The following ADAMTSL2 variants were observed in gnomAD, a reference collection of about 807,000 sequenced individuals.
ADAMTSL2 encodes ADAMTS like 2, also known as ADAMTS-like protein 2.
A neutral mutation model predicts 117.0 loss-of-function variants in ADAMTSL2; 55 were observed. The ratio of observed to expected loss-of-function variants is 0.47; its 90% CI spans 0.38 to 0.59. The LOEUF is 0.59. ADAMTSL2 is among the 20% of genes least tolerant of loss of function. The probability of loss-of-function intolerance (pLI) is 0.00; values close to 1 mark genes in which losing one functional copy is unlikely to be tolerated. For synonymous variants in ADAMTSL2, 572 were observed against 566.4 expected (o/e 1.01, Z -0.14); for missense variants, 1,182 against 1,354.5 (o/e 0.87, Z 2.00).
chr9:133,534,686 C>T (rs541316193), upstream of ADAMTSL2: 5 of 1,351,672 alleles, frequency 3.7e-6, no homozygotes, highest in East Asian at 1.2e-4. Context: ...TAAAGGCGGC[C>T]GCCGGCGCAG....
intron 16 of ADAMTSL2, 144 bp from the exon 17 acceptor site, chr9:133,570,187 A>T: frequency 1.1e-6 from 1 of 894,356 alleles, no homozygotes; most frequent in East Asian, 2.7e-5. Context: ...TCGAACAAAG[A>T]GTTTCCAGCC....
chr9:133,550,913 G>A (rs1460376808), intron 9 of ADAMTSL2, among the ~76,000 whole-genome samples: 1 of 152,070 alleles, frequency 6.6e-6, no homozygotes, highest in Non-Finnish European at 1.5e-5. Flanking sequence ...TGGTACAAAT[G>A]AACAAATGAA....
At chr9:133,544,013 C>A (rs568841042) in intron 7 of ADAMTSL2, among the ~76,000 whole-genome samples, 2 of 152,354 alleles carry the variant, frequency 1.3e-5, no homozygotes, top group South Asian at 4.1e-4. Context: ...CTCTCCTTGT[C>A]CTTTCTCACC....
chr9:133,546,749 C>T (rs1564498447), intron 8 of ADAMTSL2, among the ~76,000 whole-genome samples: 2 of 152,282 alleles, frequency 1.3e-5, no homozygotes, highest in East Asian at 1.9e-4. Flanking sequence ...CCTTGCAGCC[C>T]CTCAGCTTCT....
chr9:133,569,361 G>A, intron 15 of ADAMTSL2, 47 bp from the exon 16 acceptor site: 1 of 1,600,184 alleles, frequency 6.2e-7, no homozygotes, highest in Non-Finnish European at 8.5e-7. Context: ...CCCTCCTGGT[G>A]TGGCTGCCTC....
chr9:133,551,812 CTTTTT>C (rs56225051), intron 9 of ADAMTSL2, among the ~76,000 whole-genome samples: 57 of 111,084 alleles, frequency 5.1e-4, no homozygotes, highest in South Asian at 7.4e-4. Flanking sequence ...AAAGCAGCAG[CTTTTT>C]TTTTTTTTTT....
At chr9:133,567,216 T>C (rs1219748772) in intron 13 of ADAMTSL2, among the ~76,000 whole-genome samples, 154 bp downstream of exon 13, 1 of 152,198 alleles carries the variant, frequency 6.6e-6, no homozygotes, top group Non-Finnish European at 1.5e-5. Flanking sequence ...ACCTCACCCC[T>C]CAGAGACCTT....
Position 133,534,877 on chromosome 9 carries a change from G to A in ADAMTSL2, c.-191G>A, listed in dbSNP as rs1416532639. ...GCGCCGTCTGCCCTCCGCAGCGCTC[G>A]CCCCTTTCTCTGGGAGGACAACCTG... On this transcript the variant is annotated 5_prime_UTR_variant, in exon 1 of 19. Transcript: ENST00000651351. 1.4e-6 allele frequency: 2 copies of A among 1,466,306 alleles called. No individual in the cohort carries two copies. Among genetic ancestry groups the A allele is most frequent in the African/African-American group, 1.5e-5 (1 of 68,472 alleles). 90.8% of individuals were successfully genotyped at this position (1,466,306 alleles called of 1,614,324 possible).
chr9:133,554,491 C>G lies in ADAMTSL2; in HGVS notation c.1074C>G (p.Ala358=), dbSNP rs370480318. The change falls in exon 10 of 19, where the codon GCC becomes GCG. Residue 358 remains alanine (A), a synonymous_variant. Coordinates refer to ENST00000651351, the MANE Select transcript of ADAMTSL2 (RefSeq NM_014694.4). The surrounding 1 kb of genome is among the most constrained non-coding windows in gnomAD (Gnocchi z 5.2). ...ESAESQGLDG[A]GLMGFVPHNG... ...CTGAGAGCCAGGGCCTGGACGGGGC[C>G]GGGCTGATGGGCTTCGTCCCGCACA... The G allele has an allele frequency of 8.6e-5, 133 of 1,551,242 alleles. No individual in the cohort carries two copies. The highest frequency in any genetic ancestry group is 5.3e-4 in the Admixed American group (27 of 51,234).
At chr9:133,539,484 C>T (rs1309578248) in intron 4 of ADAMTSL2, among the ~76,000 whole-genome samples, 3 of 152,212 alleles carry the variant, frequency 2.0e-5, no homozygotes, top group Non-Finnish European at 2.9e-5. Context: ...GTCCCCTCCA[C>T]CGCAAGGCTG....
At chr9:133,566,432 C>T (rs1320078106) in intron 12 of ADAMTSL2, among the ~76,000 whole-genome samples, 2 of 152,160 alleles carry the variant, frequency 1.3e-5, no homozygotes, top group Non-Finnish European at 2.9e-5. Context: ...CGGAGTGAGG[C>T]TCCATCTCAA....
chr9:133,568,245 C>T, intron 13 of ADAMTSL2, 28 bp from the exon 14 acceptor site: 1 of 1,545,652 alleles, frequency 6.5e-7, no homozygotes, highest in Non-Finnish European at 8.7e-7. Context: ...TGGGGGGGAT[C>T]ATTGAAGGCC....
chr9:133,563,879 GA>G (rs1331076613), intron 12 of ADAMTSL2, among the ~76,000 whole-genome samples: 1 of 61,866 alleles, frequency 1.6e-5, no homozygotes. Flanking sequence ...GAGAGAGAGA[GA>G]GAGAGGGAGA....
At chr9:133,561,785 A>G (rs1194998901) in intron 12 of ADAMTSL2, among the ~76,000 whole-genome samples, 5 of 152,046 alleles carry the variant, frequency 3.3e-5, no homozygotes, top group African/African-American at 1.2e-4. Context: ...GTGCCTGGAC[A>G]GACAGATGTG....
intron 9 of ADAMTSL2, 30 bp downstream of exon 9, chr9:133,547,243 A>T (rs760349900): frequency 4.4e-5 from 71 of 1,603,044 alleles, no homozygotes; most frequent in Non-Finnish European, 6.0e-5. Context: ...TGGGGGCCCC[A>T]GGGGCCCTGG....
intron 5 of ADAMTSL2, among the ~76,000 whole-genome samples, 173 bp from the exon 6 acceptor site, chr9:133,540,425 A>G (rs1202647224): frequency 6.6e-6 from 1 of 152,202 alleles, no homozygotes; most frequent in Non-Finnish European, 1.5e-5. Context: ...GGGCTGAGCC[A>G]GAAGACCCAT....
chr9:133,554,995 T>G lies in ADAMTSL2; in HGVS notation c.1276+302T>G, dbSNP rs1830572455. The stretch of plus-strand genomic sequence containing the variant: ...CACCGTGGAGGAGCTGGGAGTCAAA[T>G]GCAGGATGGTCTGATCTCTCGCTCA... On this transcript the variant is annotated intron_variant, in intron 10 of 18. Coordinates refer to ENST00000651351, the MANE Select transcript of ADAMTSL2 (RefSeq NM_014694.4). The surrounding 1 kb of genome is among the most constrained non-coding windows in gnomAD (Gnocchi z 5.2). Among the ~76,000 whole-genome samples, 1 of 152,038 alleles carries G rather than the reference T, an allele frequency of 6.6e-6. No homozygotes were observed. The highest frequency in any genetic ancestry group is 6.5e-5 in the Admixed American group (1 of 15,274).
At chr9:133,545,571 G>A (rs752673995) in intron 8 of ADAMTSL2, among the ~76,000 whole-genome samples, 11 of 152,212 alleles carry the variant, frequency 7.2e-5, no homozygotes, top group South Asian at 4.1e-4. Flanking sequence ...ACCACCCAGC[G>A]CCCTGGGGGC....
intron 1 of ADAMTSL2, 111 bp downstream of exon 1, chr9:133,535,028 T>C (rs998565902): frequency 7.8e-7 from 1 of 1,286,494 alleles, no homozygotes; most frequent in Non-Finnish European, 9.8e-7. Flanking sequence ...AGCCGTTACA[T>C]AACGTGGGGA....
Sources: gnomAD v4.1 joint callset for allele counts (sites outside exome capture counted in the v4.1 genomes callset) on GRCh38, gnomAD v4.1.1 for gene constraint, Gnocchi (gnomAD v3.1) non-coding constraint, MANE v1.5 for transcripts, NCBI Gene and HGNC (gene_info 2026-07-23, HGNC 2026-07-21) for gene names.